PIBF1: variants seen among roughly 807,000 people sequenced by gnomAD.
The protein encoded by PIBF1 is progesterone immunomodulatory binding factor 1, also known as progesterone-induced-blocking factor 1.
Under a neutral mutation model 112.5 loss-of-function variants are expected in PIBF1, and 90 were observed. The observed-to-expected ratio is 0.80, with a 90% CI of 0.67 to 0.95. The LOEUF (loss-of-function observed/expected upper bound fraction) is 0.95, where lower values mean the gene tolerates loss of function less well. PIBF1 is among the 40% of genes least tolerant of loss of function. PIBF1 has a pLI of 0.00. For synonymous variants in PIBF1, 301 were observed against 288.6 expected, an observed-to-expected ratio of 1.04 and a Z score of -0.44; for missense variants, 915 against 852.3, an observed-to-expected ratio of 1.07 and a Z score of -0.92.
chr13:72,964,755 A>G (rs2042694929), intron 14 of PIBF1, among the ~76,000 whole-genome samples: 1 of 152,166 alleles, frequency 6.6e-6, no homozygotes, highest in Non-Finnish European at 1.5e-5. Flanking sequence ...CAAAATTGCT[A>G]TTAATATTTT....
rs1491281184 is a variant in PIBF1, at chr13:72,832,071, C to CTTTTTTTTTTTTTTTTT, written c.1098-3172_1098-3171insTTTTTTTTTTTTTTTTT. ...TCAGAGATTAGAATTGCAATTCCGG[C>CTTTTTTTTTTTTTTTTT]CTTTTTTTTTTTTTTTTTTTTTTTT... On this transcript the variant is annotated intron_variant, in intron 8 of 17. Transcript: ENST00000326291. 1.8e-4 allele frequency among the ~76,000 whole-genome samples: 11 copies of CTTTTTTTTTTTTTTTTT among 59,494 alleles called. 3 individuals are homozygous for CTTTTTTTTTTTTTTTTT. Among genetic ancestry groups the CTTTTTTTTTTTTTTTTT allele is most frequent in the Non-Finnish European group, 2.6e-4 (8 of 30,418 alleles). 39.0% of individuals were successfully genotyped at this position (59,494 alleles called of 152,430 possible).
intron 10 of PIBF1, among the ~76,000 whole-genome samples, chr13:72,891,715 C>A (rs767417338): frequency 6.6e-6 from 1 of 151,844 alleles, no homozygotes; most frequent in Non-Finnish European, 1.5e-5. Context: ...GGTATATAAC[C>A]AAGAGAAATG....
intron 2 of PIBF1, among the ~76,000 whole-genome samples, chr13:72,785,116 G>T (rs2034527770): frequency 6.6e-6 from 1 of 151,928 alleles, no homozygotes. Flanking sequence ...CACCCCAAAG[G>T]CCCCAACTTC....
intron 17 of PIBF1, among the ~76,000 whole-genome samples, chr13:73,000,544 A>G (rs2043826864): frequency 6.6e-6 from 1 of 152,148 alleles, no homozygotes; most frequent in Admixed American, 6.5e-5. Flanking sequence ...GTGGGCAGAG[A>G]TTGTGGCAGA....
At chr13:72,842,104 C>A (rs961539948) in intron 9 of PIBF1, among the ~76,000 whole-genome samples, 1 of 152,112 alleles carries the variant, frequency 6.6e-6, no homozygotes, top group African/African-American at 2.4e-5. Context: ...GGTCTACATG[C>A]CATTCTTTTC....
intron 16 of PIBF1, among the ~76,000 whole-genome samples, chr13:72,976,580 G>A (rs1474659565): frequency 2.6e-5 from 4 of 151,860 alleles, no homozygotes; most frequent in African/African-American, 4.8e-5. Context: ...AACTTTTTTT[G>A]TTTTAAAGCA....
intron 13 of PIBF1, among the ~76,000 whole-genome samples, chr13:72,925,652 C>T (rs1037842575): frequency 6.7e-6 from 1 of 148,698 alleles, no homozygotes; most frequent in Non-Finnish European, 1.5e-5. Context: ...AGTGATTCTC[C>T]TGCCTCAGCC....
chr13:72,862,693 T>C (rs1225861093), intron 10 of PIBF1, among the ~76,000 whole-genome samples: 1 of 151,910 alleles, frequency 6.6e-6, no homozygotes, highest in African/African-American at 2.4e-5. Flanking sequence ...TTCAGGGAGG[T>C]TTGCAGTCTG....
intron 10 of PIBF1, among the ~76,000 whole-genome samples, chr13:72,859,274 G>A (rs2038585936): frequency 6.6e-6 from 1 of 152,118 alleles, no homozygotes; most frequent in South Asian, 2.1e-4. Flanking sequence ...ATATATTGCA[G>A]GGGTAAAGCA....
rs148819245 is a variant in PIBF1 at position 73,003,348 on chromosome 13, G to A, written c.2223+4353G>A. Among the ~76,000 whole-genome samples the A allele has an allele frequency of 1.4e-3, 211 of 152,150 alleles. 1 individual carries two copies. Among genetic ancestry groups the A allele is most frequent in the African/African-American group, 4.1e-3 (170 of 41,512 alleles). ...GCTCACTGCAACCTCCGCCTCCTGG[G>A]TTCAAGCAGTTCTCTTGCCTCAGCC... On this transcript the variant is annotated intron_variant, in intron 17 of 17. Coordinates refer to ENST00000326291, the MANE Select transcript of PIBF1 (RefSeq NM_006346.4).
At chr13:72,932,647 CA>C (rs1254304682) in intron 14 of PIBF1, among the ~76,000 whole-genome samples, 11 of 152,116 alleles carry the variant, frequency 7.2e-5, no homozygotes, top group Admixed American at 2.0e-4. Flanking sequence ...TAAAGATTGT[CA>C]GCAGCATACC....
chr13:72,991,286 C>G (rs566278162), intron 16 of PIBF1, among the ~76,000 whole-genome samples: 3 of 152,298 alleles, frequency 2.0e-5, no homozygotes, highest in Non-Finnish European at 2.9e-5. Context: ...CAGTCGTCAT[C>G]ATCATCATCA....
intron 14 of PIBF1, among the ~76,000 whole-genome samples, chr13:72,948,602 A>T (rs1475246100): frequency 6.6e-6 from 1 of 152,208 alleles, no homozygotes; most frequent in East Asian, 1.9e-4. Flanking sequence ...GTGCCCCACT[A>T]CCCAGTACTG....
At chr13:72,918,878 A>G (rs1203794859) in intron 13 of PIBF1, among the ~76,000 whole-genome samples, 1 of 151,284 alleles carries the variant, frequency 6.6e-6, no homozygotes, top group Non-Finnish European at 1.5e-5. Context: ...TAATTTTTGT[A>G]TTTTTAATAG....
chr13:72,885,963 A>G (rs1465907667), intron 10 of PIBF1, among the ~76,000 whole-genome samples: 1 of 152,128 alleles, frequency 6.6e-6, no homozygotes, highest in Non-Finnish European at 1.5e-5. Context: ...TCAGAACACT[A>G]ATTTGGATAA....
chr13:72,840,479 C>T (rs193012616), intron 9 of PIBF1, among the ~76,000 whole-genome samples: 2 of 151,064 alleles, frequency 1.3e-5, no homozygotes, highest in Admixed American at 6.6e-5. Context: ...GAAGTACTTA[C>T]ACTTGCATAT....
At chr13:72,991,954 G>A (rs886153605) in intron 16 of PIBF1, among the ~76,000 whole-genome samples, 2 of 152,056 alleles carry the variant, frequency 1.3e-5, no homozygotes, top group African/African-American at 2.4e-5. Flanking sequence ...TCCTGACCTC[G>A]TGATCCACCC....
chr13:72,835,141 T>C (rs779416492), intron 8 of PIBF1, 102 bp from the exon 9 acceptor site: 4 of 728,992 alleles, frequency 5.5e-6, no homozygotes, highest in African/African-American at 5.5e-5. Flanking sequence ...TAACACAGTT[T>C]ATAGAGCATA....
chr13:72,911,920 A>C (rs2040907132), intron 12 of PIBF1, among the ~76,000 whole-genome samples: 1 of 152,016 alleles, frequency 6.6e-6, no homozygotes, highest in African/African-American at 2.4e-5. Flanking sequence ...ACTTGAGCTC[A>C]GGAGTTCAAG....
Sources: allele counts gnomAD v4.1 joint callset (sites outside exome capture counted in the v4.1 genomes callset), GRCh38; gene constraint gnomAD v4.1.1; transcripts MANE v1.5; gene names NCBI Gene and HGNC (gene_info 2026-07-23, HGNC 2026-07-21).